TDP1: variants seen among roughly 807,000 people sequenced by gnomAD.
TDP1 encodes the protein tyr-DNA phosphodiesterase 1.
A neutral mutation model predicts 81.5 loss-of-function variants in TDP1; 64 were observed. The ratio of observed to expected loss-of-function variants is 0.79; its 90% CI spans 0.64 to 0.97. The LOEUF (loss-of-function observed/expected upper bound fraction) is 0.97. TDP1 is among the 50% of genes least tolerant of loss of function. TDP1 has a pLI of 0.00. For synonymous variants in TDP1, 256 were observed against 264.3 expected, an observed-to-expected ratio of 0.97 and a Z score of 0.30; for missense variants, 723 against 743.8, an observed-to-expected ratio of 0.97 and a Z score of 0.33.
At chr14:90,034,148 C>T (rs1887593333) in intron 16 of TDP1, among the ~76,000 whole-genome samples, 1 of 152,154 alleles carries the variant, frequency 6.6e-6, no homozygotes, top group Non-Finnish European at 1.5e-5. Flanking sequence ...TTTTGCAAGC[C>T]TCTTTATGTG....
intron 14 of TDP1, among the ~76,000 whole-genome samples, chr14:90,009,094 G>T (rs1036803310): frequency 3.9e-5 from 6 of 152,174 alleles, no homozygotes; most frequent in Non-Finnish European, 7.4e-5. Context: ...TATATTTTCT[G>T]TTGTCTTGCT....
At chr14:90,019,197 A>G in intron 14 of TDP1, 119 bp from the exon 15 acceptor site, 1 of 1,308,338 alleles carries the variant, frequency 7.6e-7, no homozygotes, top group Non-Finnish European at 1.1e-6. Flanking sequence ...CTGCTAGAAA[A>G]TGAATGAATG....
Position 89,984,533 on chromosome 14 carries a change from T to TA in TDP1, c.903dup (p.Tyr302IlefsTer6). ...AATTCCAGAATATGGTTGAGCCCCT[T>TA]ATACCCACGAATTGCTGATGGAACC... On this transcript the variant is annotated frameshift_variant, in exon 9 of 17. Transcript: ENST00000335725. LOFTEE classifies it high-confidence loss of function. 1 of 1,614,136 alleles carries TA rather than the reference T, an allele frequency of 6.2e-7. No homozygotes were observed. Among genetic ancestry groups the TA allele is most frequent in the South Asian group, 1.1e-5 (1 of 91,084 alleles).
chr14:90,033,584 G>T, intron 16 of TDP1: 1 of 276,228 alleles, frequency 3.6e-6, no homozygotes, highest in South Asian at 4.0e-5. Flanking sequence ...TCTACACTTG[G>T]GCAAAATAAA....
At chr14:89,972,511 A>G (rs1893777650) in intron 6 of TDP1, among the ~76,000 whole-genome samples, 1 of 150,680 alleles carries the variant, frequency 6.6e-6, no homozygotes, top group Non-Finnish European at 1.5e-5. Flanking sequence ...GTTTCTTTAT[A>G]TATTCCCATA....
chr14:90,021,828 G>A (rs1291534661), intron 15 of TDP1, among the ~76,000 whole-genome samples: 4 of 152,328 alleles, frequency 2.6e-5, no homozygotes, highest in East Asian at 3.9e-4. Flanking sequence ...TTAGGGTGAC[G>A]ATGTAATTAA....
rs79632713 is a variant in TDP1, at chr14:89,979,138, G to A, written c.792-1402G>A. Among the ~76,000 whole-genome samples the A allele has an allele frequency of 2.4e-3, 358 of 152,244 alleles. 1 individual carries two copies. Among genetic ancestry groups the A allele is most frequent in the African/African-American group, 8.5e-3 (351 of 41,538 alleles). ...TAAAATAAGTCAAGACAGAGTTACAGCCATGAGAAGTGACACTTTAGTTGG... is the reference window on the plus strand; with the variant it reads ...TAAAATAAGTCAAGACAGAGTTACAACCATGAGAAGTGACACTTTAGTTGG... On this transcript the variant is annotated intron_variant, in intron 7 of 16. Coordinates refer to ENST00000335725, the MANE Select transcript of TDP1 (RefSeq NM_018319.4).
At chr14:89,970,602 T>G (rs958372667) in intron 5 of TDP1, among the ~76,000 whole-genome samples, 2 of 152,126 alleles carry the variant, frequency 1.3e-5, no homozygotes, top group African/African-American at 4.8e-5. Flanking sequence ...AGAAGATAAT[T>G]ATTCAAGGAC....
intron 15 of TDP1, among the ~76,000 whole-genome samples, chr14:90,031,556 C>G (rs1488690511): frequency 6.6e-6 from 1 of 152,006 alleles, no homozygotes; most frequent in Non-Finnish European, 1.5e-5. Flanking sequence ...GCTCGGGAGG[C>G]TGAGGCATGA....
chr14:90,030,268 C>T (rs1887134876), intron 15 of TDP1, among the ~76,000 whole-genome samples: 1 of 152,222 alleles, frequency 6.6e-6, no homozygotes, highest in Admixed American at 6.5e-5. Flanking sequence ...AGTGCCCTCG[C>T]CCTCCCGGGA....
At chr14:89,956,395 C>G (rs1181246354) in intron 1 of TDP1, 183 bp from the exon 2 acceptor site, 2 of 152,368 alleles carry the variant, frequency 1.3e-5, no homozygotes, top group African/African-American at 4.8e-5. Flanking sequence ...TAGAGTTGTC[C>G]TGAGGGTGAA....
chr14:90,033,330 A>C, intron 16 of TDP1, 116 bp downstream of exon 16: 3 of 731,702 alleles, frequency 4.1e-6, no homozygotes, highest in Non-Finnish European at 7.4e-6. Context: ...CTGGAAGCTC[A>C]AGTTTGCAGA....
intron 14 of TDP1, among the ~76,000 whole-genome samples, chr14:90,004,440 T>C (rs1897465245): frequency 6.6e-6 from 1 of 152,258 alleles, no homozygotes. Flanking sequence ...AGCGCTTTTT[T>C]ATACTAGCTC....
At chr14:89,962,942 T>C (rs1159074695) in intron 2 of TDP1, 166 bp from the exon 3 acceptor site, 1 of 984,982 alleles carries the variant, frequency 1.0e-6, no homozygotes, top group Non-Finnish European at 1.2e-6. Flanking sequence ...AATCTGATAG[T>C]GGATTCTGGT....
intron 14 of TDP1, among the ~76,000 whole-genome samples, chr14:89,994,263 C>A (rs74692969): frequency 0.039 from 5,968 of 152,298 alleles, 380 homozygotes; most frequent in African/African-American, 0.13. Context: ...GAGCCACTTA[C>A]ATCTTCTTGG....
chr14:89,963,812 A>G (rs1256988338), intron 3 of TDP1, 139 bp downstream of exon 3: 1 of 941,784 alleles, frequency 1.1e-6, no homozygotes, highest in Non-Finnish European at 1.7e-6. Context: ...AAAATTCTTG[A>G]CAGGCAAGTG....
At chr14:90,036,832 T>C (rs1486806191) in intron 16 of TDP1, among the ~76,000 whole-genome samples, 2 of 76,154 alleles carry the variant, frequency 2.6e-5, no homozygotes, top group Admixed American at 1.7e-4. Flanking sequence ...AAAAAAAAGA[T>C]AGGGTCTCGC....
At chr14:89,974,944 T>A (rs1894108981) in intron 6 of TDP1, among the ~76,000 whole-genome samples, 1 of 152,282 alleles carries the variant, frequency 6.6e-6, no homozygotes, top group Non-Finnish European at 1.5e-5. Context: ...TCCATTAGTT[T>A]GTAAAGGTGT....
chr14:89,980,778 AG>A (rs1272989335), intron 8 of TDP1, 146 bp downstream of exon 8: 1 of 726,536 alleles, frequency 1.4e-6, no homozygotes, highest in Non-Finnish European at 2.4e-6. Context: ...ATGCAGAAAA[AG>A]TTACTGTATT....
Sources: gnomAD v4.1 joint callset for allele counts (sites outside exome capture counted in the v4.1 genomes callset) on GRCh38, gnomAD v4.1.1 for gene constraint, MANE v1.5 for transcripts, NCBI Gene and HGNC (gene_info 2026-07-23, HGNC 2026-07-21) for gene names.